The following CRKL variants were observed in gnomAD, a reference collection of about 807,000 sequenced individuals.
CRKL encodes crk-like protein.
A neutral mutation model predicts 23.0 loss-of-function variants in CRKL; 3 were observed. That is an observed-to-expected ratio of 0.13 (90% CI 0.06 to 0.34). The LOEUF is 0.34. Among genes scored for constraint, CRKL ranks in the 10% least tolerant of loss-of-function variants. The probability of loss-of-function intolerance (pLI) is 1.00; values close to 1 mark genes in which losing one functional copy is unlikely to be tolerated. For synonymous variants in CRKL, 188 were observed against 160.7 expected, an observed-to-expected ratio of 1.17 and a Z score of -1.28; for missense variants, 256 against 394.5, an observed-to-expected ratio of 0.65 and a Z score of 2.97.
rs549096906 is a variant in CRKL, at chr22:20,941,521, A to G, written c.777+7277A>G. Among the ~76,000 whole-genome samples, 51 of 135,096 alleles carry G rather than the reference A, an allele frequency of 3.8e-4. 8 individuals carry two copies. Among genetic ancestry groups the G allele is most frequent in the African/African-American group, 1.3e-3 (49 of 36,494 alleles). 88.6% of individuals were successfully genotyped at this position (135,096 alleles called of 152,430 possible). ...TACATATGTGTGTTTGTGTATGTGT[A>G]TATATATATATATTTTATGTGTGTG... On this transcript the variant is annotated intron_variant, in intron 2 of 2. Transcript: ENST00000354336.
At chr22:20,941,252 C>T (rs1025025536) in intron 2 of CRKL, among the ~76,000 whole-genome samples, 3 of 151,952 alleles carry the variant, frequency 2.0e-5, no homozygotes, top group East Asian at 1.9e-4. Flanking sequence ...CTTCCCATGC[C>T]GTGGTGGTGT....
At chr22:20,936,473 G>A (rs1044102987) in intron 2 of CRKL, among the ~76,000 whole-genome samples, 1 of 151,676 alleles carries the variant, frequency 6.6e-6, no homozygotes, top group African/African-American at 2.4e-5. Context: ...CTCAGCCTCC[G>A]GAGTAGCTGG....
rs796204860 is a variant in CRKL, at chr22:20,927,842, CAA to C, written c.312-5914_312-5913del. 7.1e-3 allele frequency among the ~76,000 whole-genome samples: 399 copies of C among 56,222 alleles called. 1 individual carries two copies. Among genetic ancestry groups the C allele is most frequent in the Admixed American group, 9.7e-3 (41 of 4,240 alleles). 36.9% of individuals were successfully genotyped at this position (56,222 alleles called of 152,430 possible). On this transcript the variant is annotated intron_variant, in intron 1 of 2. Transcript: ENST00000354336. ...TGGGTAACAGAGCAAGACTCTGTCTCAAAAAAAAAAAAAAAAAAAAAAAAGGA... is the reference window on the plus strand; with the variant it reads ...TGGGTAACAGAGCAAGACTCTGTCTCAAAAAAAAAAAAAAAAAAAAAAGGA...
intron 1 of CRKL, among the ~76,000 whole-genome samples, chr22:20,923,395 G>A (rs1024400170): frequency 6.6e-6 from 1 of 151,598 alleles, no homozygotes; most frequent in Non-Finnish European, 1.5e-5. Flanking sequence ...TCCTGCCTCA[G>A]CCTCTTGAGT....
intron 2 of CRKL, among the ~76,000 whole-genome samples, chr22:20,939,233 CTTTTTTT>C (rs140538861): frequency 6.7e-5 from 5 of 75,148 alleles, no homozygotes; most frequent in African/African-American, 1.7e-4. Context: ...ACATAAGTTG[CTTTTTTT>C]TTTTTTTTTT....
In CRKL at chr22:20,917,469, G is replaced by C; in HGVS notation, c.-466G>C. ...CCGCTTCTCCCGCGTCCGCCATTTT[G>C]TTGCTGTGGCTATTGGGAACAAGCT... On this transcript the variant is annotated 5_prime_UTR_variant, in exon 1 of 3. Transcript: ENST00000354336. 4.3e-6 allele frequency: 1 copy of C among 233,780 alleles called. No homozygotes were observed. The highest frequency in any genetic ancestry group is 8.4e-6 in the Non-Finnish European group (1 of 118,586). The allele number at this position is 233,780 out of a possible 1,614,324, so 14.5% of individuals were successfully genotyped here.
At chr22:20,945,570 A>T (rs1191200726) in intron 2 of CRKL, among the ~76,000 whole-genome samples, 1 of 152,156 alleles carries the variant, frequency 6.6e-6, no homozygotes, top group African/African-American at 2.4e-5. Context: ...GGATAGTGGT[A>T]ATTTTAAGAA....
chr22:20,921,071 GC>G (rs1569130978), intron 1 of CRKL, among the ~76,000 whole-genome samples: 2 of 152,178 alleles, frequency 1.3e-5, no homozygotes, highest in Non-Finnish European at 2.9e-5. Flanking sequence ...CATGTTATTA[GC>G]CTTTTATAGA....
chr22:20,936,112 A>G (rs1921650443), intron 2 of CRKL, among the ~76,000 whole-genome samples: 1 of 152,142 alleles, frequency 6.6e-6, no homozygotes, highest in Non-Finnish European at 1.5e-5. Flanking sequence ...GTGAGCCGAG[A>G]TCATGACACT....
At chr22:20,922,680 T>C (rs1463845488) in intron 1 of CRKL, among the ~76,000 whole-genome samples, 2 of 151,864 alleles carry the variant, frequency 1.3e-5, no homozygotes, top group East Asian at 3.8e-4. Flanking sequence ...GATTTTATTT[T>C]ATTTATTTTT....
intron 1 of CRKL, among the ~76,000 whole-genome samples, chr22:20,924,552 C>T: frequency 1.6e-5 from 1 of 61,490 alleles, no homozygotes; most frequent in South Asian, 1.3e-3. Flanking sequence ...GAATTTGATT[C>T]AGAGAAAAAT....
chr22:20,924,077 A>C (rs1041840585), intron 1 of CRKL, among the ~76,000 whole-genome samples: 7 of 152,110 alleles, frequency 4.6e-5, no homozygotes, highest in Non-Finnish European at 8.8e-5. Flanking sequence ...AGTCCCAGCT[A>C]CTTGGGAGGC....
intron 1 of CRKL, among the ~76,000 whole-genome samples, chr22:20,929,392 C>G (rs941288071): frequency 2.0e-5 from 3 of 152,030 alleles, no homozygotes; most frequent in African/African-American, 7.2e-5. Context: ...GTCTCGATCT[C>G]CTGACCTCTT....
At chr22:20,924,646 G>A (rs1430396454) in intron 1 of CRKL, among the ~76,000 whole-genome samples, 3 of 150,784 alleles carry the variant, frequency 2.0e-5, no homozygotes, top group East Asian at 4.0e-4. Flanking sequence ...CCTGAGTGCA[G>A]GAGTTTGAGA....
chr22:20,932,500 A>G (rs148591647), intron 1 of CRKL, among the ~76,000 whole-genome samples: 104 of 152,056 alleles, frequency 6.8e-4, no homozygotes, highest in African/African-American at 2.5e-3. Context: ...TGTCCAGGGA[A>G]GTGTGCAGGA....
chr22:20,918,281 C>A (rs1428675888), intron 1 of CRKL, 36 bp downstream of exon 1: 2 of 1,603,630 alleles, frequency 1.2e-6, no homozygotes, highest in South Asian at 1.1e-5. Flanking sequence ...GGAGGAAGGT[C>A]GAGAACCGGG....
intron 1 of CRKL, among the ~76,000 whole-genome samples, chr22:20,921,272 C>T (rs1019565168): frequency 6.6e-6 from 1 of 152,170 alleles, no homozygotes; most frequent in African/African-American, 2.4e-5. Context: ...CAATAATGTC[C>T]TACTCGAAAT....
intron 1 of CRKL, among the ~76,000 whole-genome samples, chr22:20,926,673 G>T (rs1183377057): frequency 6.6e-6 from 1 of 152,072 alleles, no homozygotes; most frequent in African/African-American, 2.4e-5. Context: ...AGAATGAGGA[G>T]GCAGAACAGG....
chr22:20,952,161 CT>C lies in CRKL; in HGVS notation c.*2321del. The C allele has an allele frequency of 8.7e-6, 2 of 229,138 alleles. No individual in the cohort carries two copies. The highest frequency in any genetic ancestry group is 1.7e-5 in the Non-Finnish European group (2 of 115,572). 14.2% of individuals were successfully genotyped at this position (229,138 alleles called of 1,614,324 possible). On this transcript the variant is annotated 3_prime_UTR_variant, in exon 3 of 3. Coordinates refer to ENST00000354336, the MANE Select transcript of CRKL (RefSeq NM_005207.4). The stretch of plus-strand genomic sequence containing the variant: ...TTCAAGGAGGGCACGACCCTTAGGC[CT>C]TTTTCAACCAGATTTAGCTGAAGGG...
Sources: allele counts gnomAD v4.1 joint callset (sites outside exome capture counted in the v4.1 genomes callset), GRCh38; gene constraint gnomAD v4.1.1; transcripts MANE v1.5; gene names NCBI Gene and HGNC (gene_info 2026-07-23, HGNC 2026-07-21).